Variants in FRMPD2 observed in about 807,000 individuals in gnomAD.
FRMPD2 encodes FERM and PDZ domain containing 2.
A neutral mutation model predicts 140.1 loss-of-function variants in FRMPD2; 96 were observed. The ratio of observed to expected loss-of-function variants is 0.69; its 90% CI spans 0.58 to 0.81. The LOEUF (loss-of-function observed/expected upper bound fraction) is 0.81. FRMPD2 is among the 40% of genes least tolerant of loss of function. The pLI is 0.00. For missense variants in FRMPD2, 1,240 were observed against 1,447.4 expected (o/e 0.86, Z 2.32); for synonymous variants, 449 against 547.6 (o/e 0.82, Z 2.52).
At chr10:48,234,643 C>T (rs1317454594) in intron 9 of FRMPD2, among the ~76,000 whole-genome samples, 1 of 152,108 alleles carries the variant, frequency 6.6e-6, no homozygotes, top group Non-Finnish European at 1.5e-5. Flanking sequence ...GGAATGGGGC[C>T]TCCTGTTTCC....
rs745721953 is a variant in FRMPD2 at position 48,192,795 on chromosome 10, T to A, written c.2054A>T (p.Glu685Val). The stretch of plus-strand genomic sequence containing the variant: ...ACCCTGAAGCCTGGATACAAACAAC[T>A]CGTTTTCTGAGCATGACAATCTCTG... The part of the protein sequence containing the change: ...WIQRLSCSEN[E>V]LFVSRLQGAA... Residue 685 changes from glutamate (E) to valine (V), a missense_variant, in exon 16 of 29, where the codon GAG becomes GTG. This residue lies in a region of FRMPD2 where 1,161 missense variants were observed against 1,055.9 expected (regional missense o/e 1.10). Coordinates refer to ENST00000374201, the MANE Select transcript of FRMPD2 (RefSeq NM_001018071.4). 6.2e-7 allele frequency: 1 copy of A among 1,614,108 alleles called. No homozygotes were observed. Among genetic ancestry groups the A allele is most frequent in the Non-Finnish European group, 8.5e-7 (1 of 1,179,992 alleles).
intron 20 of FRMPD2, among the ~76,000 whole-genome samples, chr10:48,182,220 G>A (rs1037231058): frequency 6.6e-6 from 1 of 152,006 alleles, no homozygotes; most frequent in Non-Finnish European, 1.5e-5. Flanking sequence ...CTGTATTTCT[G>A]GCCCTTTCAT....
At chr10:48,172,428 T>C (rs1838285598) in intron 25 of FRMPD2, among the ~76,000 whole-genome samples, 1 of 152,030 alleles carries the variant, frequency 6.6e-6, no homozygotes, top group Non-Finnish European at 1.5e-5. Flanking sequence ...AATACCAAAA[T>C]CACAAGGGAA....
chr10:48,216,620 G>T (rs1034626258), intron 12 of FRMPD2, among the ~76,000 whole-genome samples: 1 of 152,182 alleles, frequency 6.6e-6, no homozygotes, highest in Non-Finnish European at 1.5e-5. Context: ...GCACTATAAT[G>T]CTGGAGGAGG....
intron 12 of FRMPD2, among the ~76,000 whole-genome samples, chr10:48,214,357 T>A (rs1839397135): frequency 6.6e-6 from 1 of 152,210 alleles, no homozygotes; most frequent in African/African-American, 2.4e-5. Flanking sequence ...ATACATGTCT[T>A]TATACATTTG....
At chr10:48,220,288 CTTACAATCAATTGATTT>C (rs1839552610) in intron 12 of FRMPD2, among the ~76,000 whole-genome samples, 1 of 152,084 alleles carries the variant, frequency 6.6e-6, no homozygotes, top group African/African-American at 2.4e-5. Context: ...AAGCCAAATA[CTTACAATCAATTGATTT>C]TTGACAAAGC....
At chr10:48,266,496 A>G (rs1036696467) in intron 1 of FRMPD2, among the ~76,000 whole-genome samples, 2 of 152,276 alleles carry the variant, frequency 1.3e-5, no homozygotes, top group Non-Finnish European at 2.9e-5. Context: ...AGAATACACG[A>G]ATAGATTAAA....
intron 16 of FRMPD2, among the ~76,000 whole-genome samples, 182 bp downstream of exon 16, chr10:48,192,502 G>A (rs780376113): frequency 9.2e-5 from 14 of 152,012 alleles, no homozygotes; most frequent in African/African-American, 2.9e-4. Context: ...CAGGAGAATC[G>A]CTTGAACCTG....
chr10:48,236,221 T>C (rs555622469), intron 9 of FRMPD2, among the ~76,000 whole-genome samples: 9 of 152,278 alleles, frequency 5.9e-5, no homozygotes, highest in Non-Finnish European at 1.3e-4. Flanking sequence ...GCCTGGCACC[T>C]GGTAGATGTT....
chr10:48,184,880 C>A lies in FRMPD2; in HGVS notation c.2361G>T (p.Gly787=), dbSNP rs2131837584. ...AATACTCTCCCTCATTAATGACAAA[C>A]CCTGTAATCCAAGATGATAGTCCAT... ...TLKRDPHRGF[G]FVINEGEYSG... is the part of the protein sequence containing the mutation. Residue 787 remains glycine (G), a splice_region_variant and synonymous_variant, in exon 19 of 29, where the codon GGG becomes GGT. Transcript: ENST00000374201. The A allele has an allele frequency of 1.9e-6, 3 of 1,603,176 alleles. No homozygotes were observed. Among genetic ancestry groups the A allele is most frequent in the Non-Finnish European group, 2.6e-6 (3 of 1,171,532 alleles).
intron 5 of FRMPD2, among the ~76,000 whole-genome samples, chr10:48,240,794 G>C (rs542206625): frequency 6.6e-6 from 1 of 152,308 alleles, no homozygotes; most frequent in Admixed American, 6.5e-5. Context: ...ACCCAGAGCT[G>C]TGTGCTTTCT....
intron 7 of FRMPD2, among the ~76,000 whole-genome samples, chr10:48,239,038 C>T (rs1262824813): frequency 6.6e-6 from 1 of 152,216 alleles, no homozygotes; most frequent in African/African-American, 2.4e-5. Context: ...CAGTTCCTCT[C>T]TGTCAGTTCT....
At chr10:48,241,360 A>C (rs1840100556) in intron 5 of FRMPD2, among the ~76,000 whole-genome samples, 1 of 152,052 alleles carries the variant, frequency 6.6e-6, no homozygotes, top group South Asian at 2.1e-4. Flanking sequence ...GTTCCTCCCA[A>C]ATACAAACTT....
chr10:48,195,103 A>T (rs760514672), intron 15 of FRMPD2, among the ~76,000 whole-genome samples: 50 of 152,212 alleles, frequency 3.3e-4, no homozygotes, highest in Non-Finnish European at 6.3e-4. Flanking sequence ...ACTCTGAGCC[A>T]AGGGCCACAA....
rs544981311 is a variant in FRMPD2 at position 48,206,466 on chromosome 10, A to G, written c.1797+282T>C. Among the ~76,000 whole-genome samples, 5 of 152,328 alleles carry G rather than the reference A, an allele frequency of 3.3e-5. No individual in the cohort carries two copies. In the South Asian group the frequency reaches 8.3e-4, roughly 25 times the overall value. ...AATTAAGAAAACTTTACCCAGAAGG[A>G]AAGTGTAGCCCTTTAGACCAATGGC... On this transcript the variant is annotated intron_variant, in intron 14 of 28. Transcript: ENST00000374201.
chr10:48,159,181 C>G, intron 28 of FRMPD2: 1 of 456,240 alleles, frequency 2.2e-6, no homozygotes, highest in Non-Finnish European at 4.4e-6. Flanking sequence ...GCTGGGAGCC[C>G]CAGGTCTCTG....
intron 13 of FRMPD2, among the ~76,000 whole-genome samples, chr10:48,210,611 C>T (rs1839297631): frequency 1.3e-5 from 2 of 152,184 alleles, no homozygotes; most frequent in African/African-American, 4.8e-5. Context: ...TTTGAAGTCC[C>T]CACTGGTCCC....
At chr10:48,260,113 A>C (rs1352398056) in intron 1 of FRMPD2, among the ~76,000 whole-genome samples, 1 of 152,116 alleles carries the variant, frequency 6.6e-6, no homozygotes, top group Non-Finnish European at 1.5e-5. Context: ...GAGTAGAAAA[A>C]TATGTGAAAC....
intron 20 of FRMPD2, among the ~76,000 whole-genome samples, chr10:48,183,171 T>C (rs1431016058): frequency 1.3e-5 from 2 of 152,198 alleles, no homozygotes; most frequent in Non-Finnish European, 2.9e-5. Flanking sequence ...CTGCATTTAG[T>C]ACCTAGAAAA....
Sources: allele counts gnomAD v4.1 joint callset (sites outside exome capture counted in the v4.1 genomes callset), GRCh38; gene constraint gnomAD v4.1.1; regional missense constraint gnomAD v4.1.1; transcripts MANE v1.5; gene names NCBI Gene and HGNC (gene_info 2026-07-23, HGNC 2026-07-21).